Variants in NUP205 observed in about 807,000 individuals in gnomAD.
NUP205 encodes the protein nuclear pore complex protein Nup205.
In NUP205, 76 loss-of-function variants were observed where a neutral mutation model predicts 253.8. The ratio of observed to expected loss-of-function variants is 0.30; its 90% CI spans 0.25 to 0.36. The LOEUF is 0.36. Among genes scored for constraint, NUP205 ranks in the 10% least tolerant of loss-of-function variants. The pLI is 1.00. For synonymous variants in NUP205, 832 were observed against 850.1 expected (o/e 0.98, Z 0.37); for missense variants, 2,162 against 2,425.5 (o/e 0.89, Z 2.28).
intron 39 of NUP205, among the ~76,000 whole-genome samples, chr7:135,644,500 G>A (rs1794970140): frequency 6.6e-6 from 1 of 152,172 alleles, no homozygotes; most frequent in Admixed American, 6.6e-5. Context: ...TTTTAGTTAT[G>A]CTCTAGGTGT....
intron 42 of NUP205, among the ~76,000 whole-genome samples, chr7:135,646,641 A>G (rs2129492725): frequency 6.6e-6 from 1 of 152,362 alleles, no homozygotes; most frequent in Middle Eastern, 3.4e-3. Flanking sequence ...AAGTAAGTAA[A>G]AAGGAAAGCC....
intron 26 of NUP205, 64 bp downstream of exon 26, chr7:135,617,311 A>G: frequency 1.4e-6 from 2 of 1,436,156 alleles, no homozygotes; most frequent in Admixed American, 4.1e-5. Flanking sequence ...GTCATCAGAA[A>G]CAAATAGAAC....
intron 31 of NUP205, among the ~76,000 whole-genome samples, chr7:135,624,407 C>T (rs571288334): frequency 4.1e-5 from 6 of 147,210 alleles, no homozygotes; most frequent in Non-Finnish European, 7.5e-5. Context: ...GACAGAGTCT[C>T]GCTTTGTCAC....
At position 135,619,867 on chromosome 7, in the gene NUP205, G is replaced by A. The variant is rs756494440; in HGVS notation, c.4309G>A (p.Glu1437Lys). ...CTTACAGATTGCCCAGAGACCTGAT[G>A]AACCAGACACCTTAGAAGCAGGTAG... ...YYLQIAQRPD[E>K]PDTLEAAKKT... The change falls in exon 30 of 43, where the codon GAA becomes AAA. Residue 1437 changes from glutamate to lysine, a missense_variant. Glu to Lys is a moderately conservative substitution (Grantham distance 56). This residue lies in a region of NUP205 where 1,144 missense variants were observed against 1,280.9 expected (regional missense o/e 0.89). Coordinates refer to ENST00000285968, the MANE Select transcript of NUP205 (RefSeq NM_015135.3). 73 of 1,610,726 alleles carry A rather than the reference G, an allele frequency of 4.5e-5. No homozygotes were observed. Among genetic ancestry groups the A allele is most frequent in the Non-Finnish European group, 5.4e-5 (64 of 1,177,282 alleles).
chr7:135,597,801 G>A (rs1015406284), intron 14 of NUP205, 197 bp from the exon 15 acceptor site: 3 of 539,752 alleles, frequency 5.6e-6, no homozygotes, highest in Non-Finnish European at 9.7e-6. Flanking sequence ...CAGTAAGTGG[G>A]AATTTGGAGT....
At chr7:135,559,599 G>C (rs971906155) in intron 1 of NUP205, among the ~76,000 whole-genome samples, 1 of 151,980 alleles carries the variant, frequency 6.6e-6, no homozygotes, top group Non-Finnish European at 1.5e-5. Context: ...TCGAACTGCT[G>C]TCCTCAAGCG....
At position 135,644,991 on chromosome 7, in the gene NUP205, C is replaced by A; in HGVS notation, c.5656C>A (p.Arg1886=). ...GCGCTTGGTGAAGGTGATCAACAAT[C>A]GAGCTAAACTGCTTTCCCTTTGTTC... ...RRRLVKVINN[R]AKLLSLCSFI... The change falls in exon 40 of 43, where the codon CGA becomes AGA. Residue 1886 remains arginine (R), a synonymous_variant. Transcript: ENST00000285968. The A allele has an allele frequency of 6.2e-7, 1 of 1,614,114 alleles. No individual in the cohort carries two copies. Among genetic ancestry groups the A allele is most frequent in the Non-Finnish European group, 8.5e-7 (1 of 1,179,992 alleles).
intron 27 of NUP205, 45 bp from the exon 28 acceptor site, chr7:135,618,367 C>A: frequency 6.7e-7 from 1 of 1,502,480 alleles, no homozygotes; most frequent in Non-Finnish European, 9.2e-7. Context: ...GATAACTGAT[C>A]TTATTTGCCT....
chr7:135,585,125 T>G (rs1361693401), intron 8 of NUP205, 118 bp downstream of exon 8: 4 of 769,806 alleles, frequency 5.2e-6, no homozygotes, highest in Non-Finnish European at 8.0e-6. Context: ...AGACTAAAAT[T>G]TGCCAGTAGC....
chr7:135,634,536 A>G (rs980010471), intron 35 of NUP205, among the ~76,000 whole-genome samples: 2 of 152,220 alleles, frequency 1.3e-5, no homozygotes, highest in Non-Finnish European at 2.9e-5. Flanking sequence ...GCAGCAACTG[A>G]AGAAAAACTT....
At chr7:135,563,412 C>T (rs1563106150) in intron 1 of NUP205, among the ~76,000 whole-genome samples, 1 of 152,180 alleles carries the variant, frequency 6.6e-6, no homozygotes, top group South Asian at 2.1e-4. Flanking sequence ...CGGTCTTGAT[C>T]TCCTGACCTC....
chr7:135,623,963 T>C (rs1454997994), intron 31 of NUP205, among the ~76,000 whole-genome samples: 1 of 152,044 alleles, frequency 6.6e-6, no homozygotes, highest in Non-Finnish European at 1.5e-5. Flanking sequence ...TTTGTAGTTT[T>C]AGTAGAGACG....
At chr7:135,625,737 A>G (rs997481394) in intron 32 of NUP205, among the ~76,000 whole-genome samples, 1 of 152,224 alleles carries the variant, frequency 6.6e-6, no homozygotes, top group African/African-American at 2.4e-5. Flanking sequence ...TCAATATAGT[A>G]TATAATTCAT....
intron 7 of NUP205, among the ~76,000 whole-genome samples, chr7:135,582,270 G>A (rs1806328111): frequency 6.6e-6 from 1 of 152,150 alleles, no homozygotes; most frequent in Non-Finnish European, 1.5e-5. Flanking sequence ...GGGCAGCAGA[G>A]TAAGACTCTG....
At chr7:135,613,434 T>C (rs1208655126) in intron 22 of NUP205, among the ~76,000 whole-genome samples, 1 of 152,182 alleles carries the variant, frequency 6.6e-6, no homozygotes, top group Middle Eastern at 3.4e-3. Context: ...CTGCATTTGC[T>C]TTAGTTTTGG....
At chr7:135,617,475 C>T in intron 26 of NUP205, 127 bp from the exon 27 acceptor site, 2 of 732,964 alleles carry the variant, frequency 2.7e-6, no homozygotes, top group South Asian at 1.9e-5. Flanking sequence ...GGACAGTGCT[C>T]CTGTTAGATT....
intron 35 of NUP205, among the ~76,000 whole-genome samples, chr7:135,631,360 A>G (rs966341873): frequency 6.6e-6 from 1 of 152,216 alleles, no homozygotes; most frequent in South Asian, 2.1e-4. Flanking sequence ...TTACTACTAG[A>G]GTATGTCACC....
Position 135,617,118 on chromosome 7 carries a change from C to T in NUP205, c.3561C>T (p.Asp1187=). ...KVRRKILNIL[D]SIDFSQEIPE... is the part of the protein sequence containing the mutation. ...GTCGAAAAATTCTAAATATTCTTGA[C>T]TCGATTGACTTCAGTCAGGAGATCC... The change falls in exon 26 of 43, where the codon GAC becomes GAT. Residue 1187 remains aspartate (D), a synonymous_variant. Coordinates refer to ENST00000285968, the MANE Select transcript of NUP205 (RefSeq NM_015135.3). 1.2e-6 allele frequency: 2 copies of T among 1,612,246 alleles called. No homozygotes were observed. The highest frequency in any genetic ancestry group is 1.7e-6 in the Non-Finnish European group (2 of 1,179,266).
In NUP205 at chr7:135,578,851, A is replaced by G; in HGVS notation, c.978A>G (p.Gln326=). The G allele has an allele frequency of 6.2e-7, 1 of 1,612,270 alleles. No homozygotes were observed. Among genetic ancestry groups the G allele is most frequent in the Non-Finnish European group, 8.5e-7 (1 of 1,179,424 alleles). ...DSQLWKLPGL[Q]ATVRLAWALA... Reference sequence around the variant, plus strand: ...AGCTTTGGAAACTGCCTGGGCTCCAAGCCACTGTTAGACTTGCCTGGGCGC... The same window carrying G: ...AGCTTTGGAAACTGCCTGGGCTCCAGGCCACTGTTAGACTTGCCTGGGCGC... The change falls in exon 7 of 43, where the codon CAA becomes CAG. Residue 326 remains glutamine (Q), a synonymous_variant. Coordinates refer to ENST00000285968, the MANE Select transcript of NUP205 (RefSeq NM_015135.3).
Sources: gnomAD v4.1 joint callset for allele counts (sites outside exome capture counted in the v4.1 genomes callset) on GRCh38, gnomAD v4.1.1 for gene constraint, gnomAD v4.1.1 regional missense constraint, MANE v1.5 for transcripts, NCBI Gene and HGNC (gene_info 2026-07-23, HGNC 2026-07-21) for gene names.